The following NLN variants were observed in gnomAD, a reference collection of about 807,000 sequenced individuals.
NLN encodes neurolysin, mitochondrial.
In NLN, 64 loss-of-function variants were observed where a neutral mutation model predicts 79.9. The observed-to-expected ratio is 0.80, with a 90% CI of 0.65 to 0.99. NLN has a LOEUF of 0.99. Ranked by LOEUF, NLN falls within the 50% of genes least tolerant of loss-of-function variation. The pLI, the probability that NLN is intolerant of heterozygous loss-of-function variation, is 0.00. For missense variants in NLN, 835 were observed against 858.7 expected (o/e 0.97, Z 0.34); for synonymous variants, 267 against 296.6 (o/e 0.90, Z 1.02).
At chr5:65,799,529 C>G (rs1760238220) in intron 9 of NLN, among the ~76,000 whole-genome samples, 1 of 152,176 alleles carries the variant, frequency 6.6e-6, no homozygotes, top group South Asian at 2.1e-4. Flanking sequence ...CCTCTACTTT[C>G]TGTGCTGGAT....
intron 4 of NLN, among the ~76,000 whole-genome samples, chr5:65,778,828 G>A (rs893129260): frequency 3.9e-5 from 6 of 152,152 alleles, no homozygotes; most frequent in African/African-American, 1.2e-4. Flanking sequence ...CATCCAGAAA[G>A]ACATAGAGAA....
chr5:65,810,509 C>T (rs914267587), intron 11 of NLN, among the ~76,000 whole-genome samples: 13 of 152,198 alleles, frequency 8.5e-5, no homozygotes, highest in Admixed American at 2.6e-4. Flanking sequence ...AAGAAATTGG[C>T]AGAAGGGGAA....
At chr5:65,728,757 C>A (rs1282487210) in intron 1 of NLN, among the ~76,000 whole-genome samples, 1 of 151,986 alleles carries the variant, frequency 6.6e-6, no homozygotes, top group Non-Finnish European at 1.5e-5. Flanking sequence ...GTCTGGAAAC[C>A]AAAAAGTTAT....
chr5:65,731,694 G>T (rs1241360812), intron 1 of NLN, among the ~76,000 whole-genome samples: 2 of 144,212 alleles, frequency 1.4e-5, no homozygotes, highest in South Asian at 4.5e-4. Flanking sequence ...TTCCTAGAAA[G>T]TCCTTCTCCA....
chr5:65,812,347 A>G lies in NLN; in HGVS notation c.1936A>G (p.Met646Val). The change falls in exon 12 of 13, where the codon ATG becomes GTG. Residue 646 changes from methionine to valine, a missense_variant. Met to Val is a conservative substitution (Grantham distance 21). Coordinates refer to ENST00000380985, the MANE Select transcript of NLN (RefSeq NM_020726.5). ...TTGGAGTGAAGTATTTTCCATGGAT[A>G]TGTTTTACAGCTGTTTTAAAAAAGA... Reference protein sequence around the residue: ...YLWSEVFSMDMFYSCFKKEGI... With the variant: ...YLWSEVFSMDVFYSCFKKEGI... The G allele has an allele frequency of 1.3e-6, 2 of 1,570,166 alleles. No individual in the cohort carries two copies. Among genetic ancestry groups the G allele is most frequent in the Non-Finnish European group, 8.8e-7 (1 of 1,140,108 alleles).
Position 65,744,976 on chromosome 5 carries a change from G to A in NLN, c.42-13591G>A, listed in dbSNP as rs536015907. ...TAAGGAAGAATTTGCCATTTCCTGG[G>A]AGTACACTGTTTCCAAGTGATTTAT... On this transcript the variant is annotated intron_variant, in intron 1 of 12. Transcript: ENST00000380985. 7.9e-5 allele frequency among the ~76,000 whole-genome samples: 12 copies of A among 152,288 alleles called. No individual in the cohort carries two copies. The South Asian group carries it at 2.5e-3, about 32-fold the overall frequency.
chr5:65,769,294 A>G (rs929276656), intron 3 of NLN, among the ~76,000 whole-genome samples: 2 of 152,228 alleles, frequency 1.3e-5, no homozygotes, highest in African/African-American at 4.8e-5. Context: ...GTTAATGGGA[A>G]CCAAAAGGAA....
intron 3 of NLN, among the ~76,000 whole-genome samples, chr5:65,771,328 A>G (rs1759561138): frequency 6.6e-6 from 1 of 151,672 alleles, no homozygotes; most frequent in Non-Finnish European, 1.5e-5. Context: ...TAAAAAGCCA[A>G]CAAACATCCA....
intron 1 of NLN, among the ~76,000 whole-genome samples, chr5:65,731,793 C>T (rs556268647): frequency 1.4e-5 from 2 of 143,256 alleles, no homozygotes; most frequent in Non-Finnish European, 3.0e-5. Flanking sequence ...CTCTGTCACC[C>T]AGGCTGGAGT....
At chr5:65,802,946 G>C (rs1475731211) in intron 9 of NLN, among the ~76,000 whole-genome samples, 1 of 151,860 alleles carries the variant, frequency 6.6e-6, no homozygotes, top group African/African-American at 2.4e-5. Context: ...GGGATATGTA[G>C]CTCCTCTTTA....
At chr5:65,761,041 T>A (rs903522698) in intron 2 of NLN, among the ~76,000 whole-genome samples, 1 of 152,174 alleles carries the variant, frequency 6.6e-6, no homozygotes, top group African/African-American at 2.4e-5. Context: ...CCTCTCACAG[T>A]AGCTGTTGAA....
chr5:65,816,127 G>T (rs1217792067), intron 12 of NLN, among the ~76,000 whole-genome samples: 1 of 152,020 alleles, frequency 6.6e-6, no homozygotes, highest in African/African-American at 2.4e-5. Flanking sequence ...GAAGGCAGAG[G>T]TTGCAGTGAG....
In NLN at chr5:65,758,720, T is replaced by C; in HGVS notation, c.195T>C (p.Ile65=). 1.9e-6 allele frequency: 3 copies of C among 1,613,852 alleles called. No individual in the cohort carries two copies. Among genetic ancestry groups the C allele is most frequent in the Non-Finnish European group, 1.7e-6 (2 of 1,179,802 alleles). The change falls in exon 2 of 13, where the codon ATT becomes ATC. Residue 65 remains isoleucine (I), a synonymous_variant. Coordinates refer to ENST00000380985, the MANE Select transcript of NLN (RefSeq NM_020726.5). The stretch of plus-strand genomic sequence containing the variant: ...TTAAAACAAGAACTGAGGAGCTCAT[T>C]GTGCAGACCAAACAGGTGTACGATG... The part of the protein sequence containing the change: ...EQIKTRTEEL[I]VQTKQVYDAV...
intron 9 of NLN, 128 bp from the exon 10 acceptor site, chr5:65,809,387 C>A: frequency 1.4e-6 from 1 of 725,408 alleles, no homozygotes; most frequent in Non-Finnish European, 2.2e-6. Context: ...TGAGGTTATT[C>A]TAACCCCTCA....
intron 1 of NLN, among the ~76,000 whole-genome samples, chr5:65,725,603 G>T (rs1292973360): frequency 6.6e-6 from 1 of 152,162 alleles, no homozygotes; most frequent in East Asian, 1.9e-4. Flanking sequence ...AAGTCTTCAA[G>T]TATTGGGAAG....
chr5:65,812,316 A>G lies in NLN; in HGVS notation c.1905A>G (p.Gly635=), dbSNP rs138151950. 5 of 1,602,550 alleles carry G rather than the reference A, an allele frequency of 3.1e-6. No homozygotes were observed. The highest frequency in any genetic ancestry group is 4.3e-6 in the Non-Finnish European group (5 of 1,169,648). Residue 635 remains glycine (G), a synonymous_variant, in exon 12 of 13, where the codon GGA becomes GGG. Transcript: ENST00000380985. ...LAGGYDGQYY[G]YLWSEVFSMD... Reference sequence around the variant, plus strand: ...GGGGATACGATGGCCAATATTATGGATATCTTTGGAGTGAAGTATTTTCCA... The same window carrying G: ...GGGGATACGATGGCCAATATTATGGGTATCTTTGGAGTGAAGTATTTTCCA...
intron 1 of NLN, among the ~76,000 whole-genome samples, chr5:65,744,472 C>CTT (rs199944194): frequency 0.01 from 1,397 of 139,542 alleles, 24 homozygotes; most frequent in African/African-American, 0.035. Flanking sequence ...TCTCTCTCCC[C>CTT]TTTTTTTTTT....
chr5:65,790,705 A>G (rs1760038663), intron 8 of NLN, among the ~76,000 whole-genome samples: 1 of 152,252 alleles, frequency 6.6e-6, no homozygotes, highest in South Asian at 2.1e-4. Flanking sequence ...CTGCTGCTTT[A>G]TGGACTTACT....
Position 65,723,315 on chromosome 5 carries a change from T to C in NLN, c.41+901T>C, listed in dbSNP as rs536337987. On this transcript the variant is annotated intron_variant, in intron 1 of 12. Coordinates refer to ENST00000380985, the MANE Select transcript of NLN (RefSeq NM_020726.5). ...ACTCGTCTGTGTGGATGGAGCTTTG[T>C]GTTGCTCAGTCCGTAGAGTTAGGGA... Among the ~76,000 whole-genome samples, 25 of 152,312 alleles carry C rather than the reference T, an allele frequency of 1.6e-4. 1 individual carries two copies. The South Asian group carries it at 5.2e-3, about 32-fold the overall frequency.
Sources: allele counts gnomAD v4.1 joint callset (sites outside exome capture counted in the v4.1 genomes callset), GRCh38; gene constraint gnomAD v4.1.1; transcripts MANE v1.5; gene names NCBI Gene and HGNC (gene_info 2026-07-23, HGNC 2026-07-21).